PARD6G: variants seen among roughly 807,000 people sequenced by gnomAD.
PARD6G encodes the protein partitioning defective 6 homolog gamma.
A neutral mutation model predicts 10.7 loss-of-function variants in PARD6G; 7 were observed. That is an observed-to-expected ratio of 0.66 (90% CI 0.37 to 1.23). The LOEUF (loss-of-function observed/expected upper bound fraction) is 1.23. Ranked by LOEUF, PARD6G falls within the 50% of genes most tolerant of loss-of-function variation. The probability of loss-of-function intolerance (pLI) is 0.02; values close to 1 mark genes in which losing one functional copy is unlikely to be tolerated. For missense variants in PARD6G, 548 were observed against 571.8 expected, an observed-to-expected ratio of 0.96 and a Z score of 0.42; for synonymous variants, 287 against 269.4, an observed-to-expected ratio of 1.07 and a Z score of -0.64.
In PARD6G at chr18:80,228,962, G is replaced by A. The variant is rs536314805; in HGVS notation, c.72+18315C>T. Among the ~76,000 whole-genome samples, 11 of 152,270 alleles carry A rather than the reference G, an allele frequency of 7.2e-5. No homozygotes were observed. Among genetic ancestry groups the A allele is most frequent in the African/African-American group, 2.4e-4 (10 of 41,562 alleles). ...TGGGACTTATTTTATTTTAGAAGAC[G>A]GAGTCTCACTCTGTCGCCCAGGCTG... is the stretch of plus-strand genomic sequence containing the variant. On this transcript the variant is annotated intron_variant, in intron 1 of 2. Transcript: ENST00000353265. The surrounding 1 kb of genome is among the most constrained non-coding windows in gnomAD (Gnocchi z 4.6).
chr18:80,233,774 T>G (rs958681344), intron 1 of PARD6G, among the ~76,000 whole-genome samples: 2 of 152,094 alleles, frequency 1.3e-5, no homozygotes, highest in African/African-American at 4.8e-5. Flanking sequence ...AGGCGTACTG[T>G]CCATCCTGTC....
intron 1 of PARD6G, among the ~76,000 whole-genome samples, chr18:80,203,274 A>T (rs1033176067): frequency 8.5e-5 from 13 of 152,334 alleles, no homozygotes; most frequent in African/African-American, 3.1e-4. Flanking sequence ...TTAAGAAAAT[A>T]AAAGGACAAG....
intron 1 of PARD6G, among the ~76,000 whole-genome samples, chr18:80,205,267 CAG>C (rs556609291): frequency 6.6e-6 from 1 of 152,350 alleles, no homozygotes; most frequent in South Asian, 2.1e-4. Context: ...CTTTCACACA[CAG>C]GGGCTCCAAA....
At chr18:80,213,220 G>A (rs1007838895) in intron 1 of PARD6G, among the ~76,000 whole-genome samples, 2 of 152,138 alleles carry the variant, frequency 1.3e-5, no homozygotes, top group Admixed American at 6.5e-5. Flanking sequence ...TTTTAAAAAC[G>A]AAAAAAAGAA....
chr18:80,218,652 G>T lies in PARD6G; in HGVS notation c.73-15720C>A, dbSNP rs1967196344. Among the ~76,000 whole-genome samples, 2 of 152,198 alleles carry T rather than the reference G, an allele frequency of 1.3e-5. 1 individual carries two copies. Among genetic ancestry groups the T allele is most frequent in the South Asian group, 4.1e-4 (2 of 4,832 alleles). ...CCATTCTGGGGTCTGGAGGATAGTGGCCCTCTTATCACAGCTCCACTAGGC... is the reference window on the plus strand; with the variant it reads ...CCATTCTGGGGTCTGGAGGATAGTGTCCCTCTTATCACAGCTCCACTAGGC... On this transcript the variant is annotated intron_variant, in intron 1 of 2. Transcript: ENST00000353265.
chr18:80,191,847 T>G (rs1216941658), intron 2 of PARD6G, among the ~76,000 whole-genome samples: 1 of 152,194 alleles, frequency 6.6e-6, no homozygotes, highest in Non-Finnish European at 1.5e-5. Context: ...GTTTATTAAC[T>G]AAATGTGCTT....
chr18:80,192,259 C>G lies in PARD6G; in HGVS notation c.295+10451G>C. On this transcript the variant is annotated intron_variant, in intron 2 of 2. Coordinates refer to ENST00000353265, the MANE Select transcript of PARD6G (RefSeq NM_032510.4). This position sits in a 1 kb window ranked among gnomAD's most constrained non-coding sequence, Gnocchi z 4.9. ...CACTCTCCTTCGGTGGTCTCTGAGT[C>G]GTCCCTGAGGTGGGGTGCAGTGCAG... is the stretch of plus-strand genomic sequence containing the variant. 1.3e-5 allele frequency among the ~76,000 whole-genome samples: 2 copies of G among 152,330 alleles called. 1 individual carries two copies. The highest frequency in any genetic ancestry group is 4.1e-4 in the South Asian group (2 of 4,830).
At position 80,192,419 on chromosome 18, in the gene PARD6G, G is replaced by A. The variant is rs2145272535; in HGVS notation, c.295+10291C>T. Reference sequence around the variant, plus strand: ...CCCTAACTGAAGCCACTGCCCAGTGGGAGCCCAGGGGACGGGGGAGAGCAG... The same window carrying A: ...CCCTAACTGAAGCCACTGCCCAGTGAGAGCCCAGGGGACGGGGGAGAGCAG... On this transcript the variant is annotated intron_variant, in intron 2 of 2. Coordinates refer to ENST00000353265, the MANE Select transcript of PARD6G (RefSeq NM_032510.4). This position sits in a 1 kb window ranked among gnomAD's most constrained non-coding sequence, Gnocchi z 4.9. 6.6e-6 allele frequency among the ~76,000 whole-genome samples: 1 copy of A among 152,068 alleles called. No individual in the cohort carries two copies. Among genetic ancestry groups the A allele is most frequent in the East Asian group, 1.9e-4 (1 of 5,156 alleles).
rs765649568 is a variant in PARD6G, at chr18:80,160,500, G to A, written c.402C>T (p.Ile134=). 1 of 1,544,808 alleles carries A rather than the reference G, an allele frequency of 6.5e-7. No individual in the cohort carries two copies. The highest frequency in any genetic ancestry group is 8.7e-7 in the Non-Finnish European group (1 of 1,144,918). ...CGGGGCGGAAGTCGCGCGGGAGGCC[G>A]ATGTCCAGGTGTGCACGCCGCCGGG... ...EGPRRRAHLD[I]GLPRDFRPVS... Residue 134 remains isoleucine (I), a synonymous_variant, in exon 3 of 3, where the codon ATC becomes ATT. Transcript: ENST00000353265.
At position 80,246,617 on chromosome 18, in the gene PARD6G, G is replaced by T. The variant is rs1192106032; in HGVS notation, c.72+660C>A. 2.1e-5 allele frequency among the ~76,000 whole-genome samples: 3 copies of T among 145,876 alleles called. No homozygotes were observed. Among genetic ancestry groups the T allele is most frequent in the African/African-American group, 7.6e-5 (3 of 39,370 alleles). ...GTCCGGAGGTGGGGGAGTCTGGGGT[G>T]GGGGCGCGCCCGTGGGGGTGGGGTG... On this transcript the variant is annotated intron_variant, in intron 1 of 2. Coordinates refer to ENST00000353265, the MANE Select transcript of PARD6G (RefSeq NM_032510.4). This position sits in a 1 kb window ranked among gnomAD's most constrained non-coding sequence, Gnocchi z 6.7.
intron 1 of PARD6G, among the ~76,000 whole-genome samples, chr18:80,209,127 A>C (rs1032960873): frequency 3.3e-5 from 5 of 151,830 alleles, no homozygotes; most frequent in South Asian, 2.1e-4. Context: ...AAACAAACAA[A>C]AAAAAAAAAC....
intron 2 of PARD6G, among the ~76,000 whole-genome samples, chr18:80,163,512 C>T (rs1241176211): frequency 2.0e-5 from 3 of 152,230 alleles, no homozygotes; most frequent in African/African-American, 7.2e-5. Flanking sequence ...CAGTTCACAG[C>T]CACCCATCCC....
At chr18:80,212,597 T>C (rs1168169521) in intron 1 of PARD6G, among the ~76,000 whole-genome samples, 1 of 152,158 alleles carries the variant, frequency 6.6e-6, no homozygotes, top group Non-Finnish European at 1.5e-5. Flanking sequence ...AATAATTATC[T>C]TGTTTTGGCC....
In PARD6G at chr18:80,183,283, G is replaced by GA; in HGVS notation, c.295+19426dup. ...AGCAAAGCCGCATACAGGCATAGTG[G>GA]AAAAGTACGCTGACCTTCTCAGTGG... On this transcript the variant is annotated intron_variant, in intron 2 of 2. Transcript: ENST00000353265. The surrounding 1 kb of genome is among the most constrained non-coding windows in gnomAD (Gnocchi z 4.5). 1 of 663,754 alleles carries GA rather than the reference G, an allele frequency of 1.5e-6. No homozygotes were observed. The highest frequency in any genetic ancestry group is 2.7e-6 in the Non-Finnish European group (1 of 364,318). 41.1% of individuals were successfully genotyped at this position (663,754 alleles called of 1,614,324 possible). A position where few individuals can be genotyped will look rare whatever the true frequency, so the allele number is the denominator to read the frequency against.
chr18:80,199,458 C>T (rs1430226841), intron 2 of PARD6G, among the ~76,000 whole-genome samples: 1 of 152,080 alleles, frequency 6.6e-6, no homozygotes, highest in African/African-American at 2.4e-5. Context: ...GCTGTTCTCG[C>T]CTTATGGATA....
intron 2 of PARD6G, among the ~76,000 whole-genome samples, chr18:80,179,683 T>A (rs1341309664): frequency 6.6e-6 from 1 of 152,352 alleles, no homozygotes; most frequent in Admixed American, 6.5e-5. Context: ...CCACTGCCTG[T>A]GCCTTCCGGG....
Position 80,192,963 on chromosome 18 carries a change from A to G in PARD6G, c.295+9747T>C, listed in dbSNP as rs1405082652. 2.0e-5 allele frequency among the ~76,000 whole-genome samples: 3 copies of G among 152,126 alleles called. No individual in the cohort carries two copies. In the East Asian group the frequency reaches 5.8e-4, roughly 29 times the overall value. On this transcript the variant is annotated intron_variant, in intron 2 of 2. Transcript: ENST00000353265. This position sits in a 1 kb window ranked among gnomAD's most constrained non-coding sequence, Gnocchi z 4.9. ...CAAGTCCTCCTGGCCCCTGCTGCCA[A>G]CATGTCAACACATCACAGAAGACTG...
At chr18:80,239,965 A>C (rs1173150324) in intron 1 of PARD6G, among the ~76,000 whole-genome samples, 1 of 152,034 alleles carries the variant, frequency 6.6e-6, no homozygotes, top group Non-Finnish European at 1.5e-5. Context: ...TGGAAGGTGG[A>C]AGGAGAGCCG....
intron 1 of PARD6G, among the ~76,000 whole-genome samples, chr18:80,218,871 G>T (rs1219323892): frequency 6.6e-6 from 1 of 152,194 alleles, no homozygotes; most frequent in Non-Finnish European, 1.5e-5. Flanking sequence ...ACACCCTCAG[G>T]CCCAATACCA....
Sources: allele counts gnomAD v4.1 joint callset (sites outside exome capture counted in the v4.1 genomes callset), GRCh38; gene constraint gnomAD v4.1.1; non-coding constraint Gnocchi (gnomAD v3.1); transcripts MANE v1.5; gene names NCBI Gene and HGNC (gene_info 2026-07-23, HGNC 2026-07-21).